RRP7A: variants seen among roughly 807,000 people sequenced by gnomAD.
RRP7A encodes the protein ribosomal RNA-processing protein 7 homolog A.
A neutral mutation model predicts 38.4 loss-of-function variants in RRP7A; 27 were observed. The ratio of observed to expected loss-of-function variants is 0.70; its 90% CI spans 0.52 to 0.97. The LOEUF (loss-of-function observed/expected upper bound fraction) is 0.97, where lower values mean the gene tolerates loss of function less well. RRP7A is among the 50% of genes least tolerant of loss of function. The probability of loss-of-function intolerance (pLI) is 0.00; values close to 1 mark genes in which losing one functional copy is unlikely to be tolerated. For synonymous variants in RRP7A, 124 were observed against 150.3 expected (o/e 0.83, Z 1.28); for missense variants, 327 against 375.4 (o/e 0.87, Z 1.07).
Position 42,512,789 on chromosome 22 carries a change from A to T in RRP7A, c.*121T>A. On this transcript the variant is annotated 3_prime_UTR_variant, in exon 7 of 7. Coordinates refer to ENST00000323013, the MANE Select transcript of RRP7A (RefSeq NM_015703.5). ...GTGTGGACTCTGATGGGGCTGTTGG[A>T]CGCGGTGGCCTTCAACCTGGGGCCC... 4.1e-6 allele frequency: 4 copies of T among 978,208 alleles called. No individual in the cohort carries two copies. The highest frequency in any genetic ancestry group is 6.4e-6 in the Non-Finnish European group (4 of 628,182). 60.6% of individuals were successfully genotyped at this position (978,208 alleles called of 1,614,324 possible).
In RRP7A at chr22:42,519,750, G is replaced by A. The variant is rs748308379; in HGVS notation, c.37C>T (p.Pro13Ser). 3 of 1,455,142 alleles carry A rather than the reference G, an allele frequency of 2.1e-6. No individual in the cohort carries two copies. Among genetic ancestry groups the A allele is most frequent in the South Asian group, 2.6e-5 (2 of 75,474 alleles). The allele number at this position is 1,455,142 out of a possible 1,614,324, so 90.1% of individuals were successfully genotyped here. Residue 13 changes from proline to serine, a missense_variant, in exon 1 of 7, where the codon CCG (proline) becomes TCG (serine). Physicochemically the swap from Pro to Ser is moderately conservative, Grantham distance 74. Transcript: ENST00000323013. ...ARRRKCAARD[P>S]EDRIPSPLGY... Reference sequence around the variant, plus strand: ...AGTGGGCTGGGGATACGGTCCTCCGGGTCCCGCGCGGCGCACTTCCTCCTG... The same window carrying A: ...AGTGGGCTGGGGATACGGTCCTCCGAGTCCCGCGCGGCGCACTTCCTCCTG...
At chr22:42,515,348 G>A in intron 3 of RRP7A, 80 bp from the exon 4 acceptor site, 3 of 733,442 alleles carry the variant, frequency 4.1e-6, no homozygotes, top group South Asian at 1.6e-5. Context: ...CTCAGCCTAG[G>A]TGGTAGCTAC....
chr22:42,519,489 C>G (rs1459468745), intron 1 of RRP7A, among the ~76,000 whole-genome samples: 3 of 152,138 alleles, frequency 2.0e-5, no homozygotes, highest in Non-Finnish European at 2.9e-5. Flanking sequence ...CCAAGGGAAG[C>G]GTGGACCAAG....
In RRP7A at chr22:42,509,839, T is replaced by TGGGGG. The variant is rs1209219599; in HGVS notation, c.*3066_*3070dup. ...CTCAGGACCGGAAGCCTGTTGGGGG[T>TGGGGG]GGGGGGGTGGGGTGTGTGTGTGTGT... On this transcript the variant is annotated 3_prime_UTR_variant, in exon 7 of 7. Transcript: ENST00000323013. 5.1e-4 allele frequency: 6 copies of TGGGGG among 11,736 alleles called. No homozygotes were observed. Among genetic ancestry groups the TGGGGG allele is most frequent in the African/African-American group, 1.5e-3 (4 of 2,626 alleles). The allele number at this position is 11,736 out of a possible 1,614,324, so 0.7% of individuals were successfully genotyped here. A position where few individuals can be genotyped will look rare whatever the true frequency, so the allele number is the denominator to read the frequency against.
At position 42,515,287 on chromosome 22, in the gene RRP7A, CAG is replaced by C; in HGVS notation, c.343-21_343-20del. 1 of 1,148,520 alleles carries C rather than the reference CAG, an allele frequency of 8.7e-7. No individual in the cohort carries two copies. Among genetic ancestry groups the C allele is most frequent in the South Asian group, 1.4e-5 (1 of 73,852 alleles). The allele number at this position is 1,148,520 out of a possible 1,614,324, so 71.1% of individuals were successfully genotyped here. A position where few individuals can be genotyped will look rare whatever the true frequency, so the allele number is the denominator to read the frequency against. ...GGAAACCCTGAAGAGAGAGAGATGT[CAG>C]AGGTTGGGGGCTCCTTCCCACGTCT... On this transcript the variant is annotated intron_variant, in intron 3 of 6. Transcript: ENST00000323013.
At chr22:42,519,560 G>A (rs547839153) in intron 1 of RRP7A, among the ~76,000 whole-genome samples, 154 bp downstream of exon 1, 45 of 152,148 alleles carry the variant, frequency 3.0e-4, no homozygotes, top group African/African-American at 9.4e-4. Flanking sequence ...TCGGGACCCC[G>A]GAGCCTCAAG....
chr22:42,514,443 T>C, intron 5 of RRP7A, 139 bp from the exon 6 acceptor site: 1 of 784,384 alleles, frequency 1.3e-6, no homozygotes, highest in Non-Finnish European at 2.0e-6. Context: ...AGCACAGTGT[T>C]GGGGCTAAGG....
Position 42,515,996 on chromosome 22 carries a change from G to C in RRP7A, c.342+15C>G. The C allele has an allele frequency of 6.3e-7, 1 of 1,581,322 alleles. No homozygotes were observed. ...CCCCCCTCACTCTAGTGGAACCCCG[G>C]GCTTGGCGGCTCACCGGAACTGGCT... On this transcript the variant is annotated intron_variant, in intron 3 of 6. Transcript: ENST00000323013.
At position 42,512,421 on chromosome 22, in the gene RRP7A, G is replaced by T; in HGVS notation, c.*489C>A. ...CTTCAACATCTGTGACCTCAAGGGGGAGACAGAGTCTGGGTTCCAGGGCTG... is the reference window on the plus strand; with the variant it reads ...CTTCAACATCTGTGACCTCAAGGGGTAGACAGAGTCTGGGTTCCAGGGCTG... On this transcript the variant is annotated 3_prime_UTR_variant, in exon 7 of 7. Coordinates refer to ENST00000323013, the MANE Select transcript of RRP7A (RefSeq NM_015703.5). 1 of 620,054 alleles carries T rather than the reference G, an allele frequency of 1.6e-6. No individual in the cohort carries two copies. Among genetic ancestry groups the T allele is most frequent in the East Asian group, 2.8e-5 (1 of 35,380 alleles). 38.4% of individuals were successfully genotyped at this position (620,054 alleles called of 1,614,324 possible). A position where few individuals can be genotyped will look rare whatever the true frequency, so the allele number is the denominator to read the frequency against.
chr22:42,508,926 G>A lies in RRP7A; in HGVS notation c.*3984C>T. ...CTCAGACCCAGGGTGGGTGGCTAAG[G>A]TGCCCTCGCCAGGGCTTAGCCACCC... On this transcript the variant is annotated 3_prime_UTR_variant, in exon 7 of 7. Coordinates refer to ENST00000323013, the MANE Select transcript of RRP7A (RefSeq NM_015703.5). 3.9e-6 allele frequency: 6 copies of A among 1,552,006 alleles called. No individual in the cohort carries two copies. Among genetic ancestry groups the A allele is most frequent in the South Asian group, 3.4e-5 (3 of 87,110 alleles).
At position 42,512,462 on chromosome 22, in the gene RRP7A, T is replaced by C. The variant is rs376245014; in HGVS notation, c.*448A>G. ...TCCAGGGCTGCTGTCTCCTGGCTAATAATCTCCAGCCAGCTGGAGGAAGGA... is the reference window on the plus strand; with the variant it reads ...TCCAGGGCTGCTGTCTCCTGGCTAACAATCTCCAGCCAGCTGGAGGAAGGA... On this transcript the variant is annotated 3_prime_UTR_variant, in exon 7 of 7. Coordinates refer to ENST00000323013, the MANE Select transcript of RRP7A (RefSeq NM_015703.5). 285 of 582,414 alleles carry C rather than the reference T, an allele frequency of 4.9e-4. 3 individuals are homozygous for C. In the South Asian group the frequency reaches 5.5e-3, roughly 11 times the overall value. The allele number at this position is 582,414 out of a possible 1,614,324, so 36.1% of individuals were successfully genotyped here.
chr22:42,519,783 C>G lies in RRP7A; in HGVS notation c.4G>C (p.Val2Leu), dbSNP rs1409754340. 3 of 1,439,524 alleles carry G rather than the reference C, an allele frequency of 2.1e-6. No individual in the cohort carries two copies. The East Asian group carries it at 9.1e-5, about 43-fold the overall frequency. 89.2% of individuals were successfully genotyped at this position (1,439,524 alleles called of 1,614,324 possible). A position where few individuals can be genotyped will look rare whatever the true frequency, so the allele number is the denominator to read the frequency against. MVARRRKCAARD... is the reference protein window; with the variant it reads MLARRRKCAARD... Reference sequence around the variant, plus strand: ...GCGGCGCACTTCCTCCTGCGCGCCACCATCTTGCCACCCGGGAGCGCGGGG... The same window carrying G: ...GCGGCGCACTTCCTCCTGCGCGCCAGCATCTTGCCACCCGGGAGCGCGGGG... Residue 2 changes from valine to leucine, a missense_variant, in exon 1 of 7, where the codon GTG (valine) becomes CTG (leucine). Around this residue, in one of 5 missense-constraint regions of RRP7A, gnomAD observed 183 missense variants for 141.8 expected, o/e 1.29. Transcript: ENST00000323013.
Position 42,509,736 on chromosome 22 carries a change from C to T in RRP7A, c.*3174G>A, listed in dbSNP as rs911492880. Among the ~76,000 whole-genome samples, 22 of 150,444 alleles carry T rather than the reference C, an allele frequency of 1.5e-4. No individual in the cohort carries two copies. The highest frequency in any genetic ancestry group is 1.2e-3 in the Admixed American group (18 of 14,816). ...CTAAGTGGATGAAGTCAGACACAAC[C>T]GTCTACGTGTTGTATGGCTGCATTC... is the stretch of plus-strand genomic sequence containing the variant. On this transcript the variant is annotated 3_prime_UTR_variant, in exon 7 of 7. Coordinates refer to ENST00000323013, the MANE Select transcript of RRP7A (RefSeq NM_015703.5).
At position 42,512,710 on chromosome 22, in the gene RRP7A, AG is replaced by A. The variant is rs1426819220; in HGVS notation, c.*199del. 2 of 633,614 alleles carry A rather than the reference AG, an allele frequency of 3.2e-6. No individual in the cohort carries two copies. Among genetic ancestry groups the A allele is most frequent in the African/African-American group, 3.6e-5 (2 of 55,272 alleles). The allele number at this position is 633,614 out of a possible 1,614,324, so 39.2% of individuals were successfully genotyped here. ...CTCCTCTCGGCACGCCTGGGTCCCC[AG>A]GACTGCTGAAGCACAAGACCCGAGG... On this transcript the variant is annotated 3_prime_UTR_variant, in exon 7 of 7. Transcript: ENST00000323013.
chr22:42,519,294 C>G (rs897396084), intron 1 of RRP7A, among the ~76,000 whole-genome samples: 1 of 151,014 alleles, frequency 6.6e-6, no homozygotes, highest in Non-Finnish European at 1.5e-5. Flanking sequence ...GGGTGGAGAA[C>G]AGAAGCAGGG....
In RRP7A at chr22:42,512,389, A is replaced by C. The variant is rs866169626; in HGVS notation, c.*521T>G. The C allele has an allele frequency of 2.1e-5, 14 of 671,640 alleles. No homozygotes were observed. Among genetic ancestry groups the C allele is most frequent in the Middle Eastern group, 3.5e-4 (1 of 2,866 alleles). 41.6% of individuals were successfully genotyped at this position (671,640 alleles called of 1,614,324 possible). On this transcript the variant is annotated 3_prime_UTR_variant, in exon 7 of 7. Transcript: ENST00000323013. ...GATGGTAGTCAGGGGAAGGAGCGAGATTCCAACTTCAACATCTGTGACCTC... is the reference window on the plus strand; with the variant it reads ...GATGGTAGTCAGGGGAAGGAGCGAGCTTCCAACTTCAACATCTGTGACCTC...
rs1177291967 is a variant in RRP7A at position 42,509,539 on chromosome 22, G to A, written c.*3371C>T. Among the ~76,000 whole-genome samples, 1 of 149,974 alleles carries A rather than the reference G, an allele frequency of 6.7e-6. No homozygotes were observed. Among genetic ancestry groups the A allele is most frequent in the East Asian group, 1.9e-4 (1 of 5,156 alleles). On this transcript the variant is annotated 3_prime_UTR_variant, in exon 7 of 7. Transcript: ENST00000323013. ...GTAGAGACGAGGTTTCGCCATGTTG[G>A]CCAGGCTGCTCTCCATCTCCTGACC...
chr22:42,516,593 G>T (rs1292644014), intron 2 of RRP7A, among the ~76,000 whole-genome samples: 1 of 152,236 alleles, frequency 6.6e-6, no homozygotes, highest in Non-Finnish European at 1.5e-5. Flanking sequence ...GATTACAGGC[G>T]TGAGCCACTG....
At position 42,519,755 on chromosome 22, in the gene RRP7A, C is replaced by G; in HGVS notation, c.32G>C (p.Arg11Pro). The change falls in exon 1 of 7, where the codon CGG (arginine) becomes CCG (proline). Residue 11 changes from arginine to proline, a missense_variant. Physicochemically the swap from Arg to Pro is moderately radical, Grantham distance 103. This residue lies in a region of RRP7A where 183 missense variants were observed against 141.8 expected (regional missense o/e 1.29). Coordinates refer to ENST00000323013, the MANE Select transcript of RRP7A (RefSeq NM_015703.5). ...GCTGGGGATACGGTCCTCCGGGTCC[C>G]GCGCGGCGCACTTCCTCCTGCGCGC... MVARRRKCAARDPEDRIPSPL... is the reference protein window; with the variant it reads MVARRRKCAAPDPEDRIPSPL... 3 of 1,453,628 alleles carry G rather than the reference C, an allele frequency of 2.1e-6. No individual in the cohort carries two copies. In the South Asian group the frequency reaches 4.0e-5, roughly 19 times the overall value. 90.0% of individuals were successfully genotyped at this position (1,453,628 alleles called of 1,614,324 possible).
Sources: allele counts gnomAD v4.1 joint callset (sites outside exome capture counted in the v4.1 genomes callset), GRCh38; gene constraint gnomAD v4.1.1; regional missense constraint gnomAD v4.1.1; transcripts MANE v1.5; gene names NCBI Gene and HGNC (gene_info 2026-07-23, HGNC 2026-07-21).